TTN: variants seen among roughly 807,000 people sequenced by gnomAD.
The protein encoded by TTN is titin.
In TTN, 1,525 loss-of-function variants were observed where a neutral mutation model predicts 3,223.0. That is an observed-to-expected ratio of 0.47 (90% confidence interval 0.45 to 0.49). The LOEUF (loss-of-function observed/expected upper bound fraction) is 0.49, where lower values mean the gene tolerates loss of function less well. TTN is among the 20% of genes least tolerant of loss of function. The pLI is 0.00. For synonymous variants in TTN, 14,094 were observed against 15,161.0 expected, an observed-to-expected ratio of 0.93 and a Z score of 5.17; for missense variants, 40,786 against 43,424.0, an observed-to-expected ratio of 0.94 and a Z score of 5.40.
In TTN at chr2:178,534,509, C is replaced by T; in HGVS notation, c.102106G>A (p.Glu34036Lys). Residue 34036 changes from glutamate to lysine, a missense_variant, in exon 358 of 363, where the codon GAG (glutamate) becomes AAG (lysine). Transcript: ENST00000589042. ...NIMNAEYTFD[E>K]EAFKEISIEA... ...ATGCTAATCTCTTTGAATGCTTCCTCATCGAAAGTATATTCAGCATTCATG... is the reference window on the plus strand; with the variant it reads ...ATGCTAATCTCTTTGAATGCTTCCTTATCGAAAGTATATTCAGCATTCATG... The T allele has an allele frequency of 2.5e-6, 4 of 1,613,844 alleles. No homozygotes were observed. Among genetic ancestry groups the T allele is most frequent in the South Asian group, 1.1e-5 (1 of 91,074 alleles).
Position 178,548,975 on chromosome 2 carries a change from G to T in TTN, c.92651C>A (p.Thr30884Asn), listed in dbSNP as rs1698294296. The T allele has an allele frequency of 1.2e-6, 2 of 1,613,772 alleles. No homozygotes were observed. Among genetic ancestry groups the T allele is most frequent in the African/African-American group, 2.7e-5 (2 of 74,900 alleles). ...EACVKTRYTV[T>N]DLQAGEEYKF... ...GTATTCTTCACCTGCTTGTAGATCAGTGACTGTATATCTTGTTTTCACACA... is the reference window on the plus strand; with the variant it reads ...GTATTCTTCACCTGCTTGTAGATCATTGACTGTATATCTTGTTTTCACACA... Residue 30884 changes from threonine to asparagine, a missense_variant, in exon 339 of 363, where the codon ACT becomes AAT. Thr to Asn is a moderately conservative substitution (Grantham distance 65). Transcript: ENST00000589042. This position sits in a 1 kb window ranked among gnomAD's most constrained non-coding sequence, Gnocchi z 4.3.
chr2:178,714,957 T>C (rs765736200), intron 90 of TTN, 29 bp downstream of exon 90: 3 of 1,577,878 alleles, frequency 1.9e-6, no homozygotes. Context: ...AGGGAAGTAG[T>C]GAGCAGAAGT....
intron 140 of TTN, 80 bp from the exon 141 acceptor site, chr2:178,679,762 T>G (rs2068911833): frequency 1.3e-6 from 2 of 1,538,626 alleles, no homozygotes; most frequent in Admixed American, 4.3e-5. Context: ...AAATCATATT[T>G]CAGCATCTAA....
intron 71 of TTN, 59 bp from the exon 72 acceptor site, chr2:178,724,597 A>C: frequency 6.7e-7 from 1 of 1,482,492 alleles, no homozygotes; most frequent in African/African-American, 1.4e-5. Flanking sequence ...TGTCTCTACT[A>C]TCACATTCAC....
chr2:178,611,223 C>A lies in TTN; in HGVS notation c.50906G>T (p.Gly16969Val). The A allele has an allele frequency of 3.1e-6, 5 of 1,612,554 alleles. No individual in the cohort carries two copies. In the South Asian group the frequency reaches 4.4e-5, roughly 14 times the overall value. The stretch of plus-strand genomic sequence containing the variant: ...GGGAACAGGAATGCTTAACTTTTCA[C>A]CTTCAATAACAATAATGTCATGAGT... ...LETHDIIVIEGEKLSIPVPFR... is the reference protein window; with the variant it reads ...LETHDIIVIEVEKLSIPVPFR... Residue 16969 changes from glycine to valine, a missense_variant, in exon 270 of 363, where the codon GGT becomes GTT. Gly to Val is a moderately radical substitution (Grantham distance 109). Transcript: ENST00000589042.
chr2:178,611,718 A>G, intron 268 of TTN, 40 bp downstream of exon 268: 1 of 1,611,534 alleles, frequency 6.2e-7, no homozygotes. Context: ...AGTCTCATCA[A>G]GTTCTAGACA....
intron 49 of TTN, among the ~76,000 whole-genome samples, chr2:178,736,949 C>T (rs1424464677): frequency 6.6e-6 from 1 of 152,140 alleles, no homozygotes; most frequent in East Asian, 1.9e-4. Flanking sequence ...ATTTGCCCTT[C>T]CCCTTGATAT....
Position 178,733,445 on chromosome 2 carries a change from G to C in TTN, c.15848C>G (p.Thr5283Arg). 1 of 1,613,814 alleles carries C rather than the reference G, an allele frequency of 6.2e-7. No homozygotes were observed. The highest frequency in any genetic ancestry group is 8.5e-7 in the Non-Finnish European group (1 of 1,179,786). The change falls in exon 54 of 363, where the codon ACA becomes AGA. Residue 5283 changes from threonine to arginine, a missense_variant. By Grantham distance (71) the Thr-to-Arg change is moderately conservative. Transcript: ENST00000589042. ...TAGDPATLEY[T>R]VAGTPELKPK... ...CTTCAGTTCTGGCGTGCCTGCCACTGTGTACTCCAGTGTGGCGGGATCTCC... is the reference window on the plus strand; with the variant it reads ...CTTCAGTTCTGGCGTGCCTGCCACTCTGTACTCCAGTGTGGCGGGATCTCC...
Position 178,536,166 on chromosome 2 carries a change from G to A in TTN, c.100581C>T (p.Val33527=). The A allele has an allele frequency of 1.2e-6, 2 of 1,613,558 alleles. No individual in the cohort carries two copies. The highest frequency in any genetic ancestry group is 1.7e-6 in the Non-Finnish European group (2 of 1,179,686). ...CKVTGHPKPI[V]KWYRQGKEII... is the part of the protein sequence containing the mutation. ...TTTCTTTGCCTTGTCTGTACCATTT[G>A]ACGATAGGTTTTGGATGACCAGTCA... Residue 33527 remains valine (V), a synonymous_variant, in exon 357 of 363, where the codon GTC becomes GTT. Transcript: ENST00000589042.
Position 178,713,283 on chromosome 2 carries a change from C to T in TTN, c.26851G>A (p.Gly8951Arg). ...SSVVMECKVY[G>R]SPPISVSWFH... is the part of the protein sequence containing the mutation. ...CAGGAGACAGAGATTGGAGGTGACC[C>T]ATAGACTTTACACTCCATTACAACT... is the stretch of plus-strand genomic sequence containing the variant. Residue 8951 changes from glycine (G) to arginine (R), a missense_variant, in exon 93 of 363, where the codon GGG becomes AGG. Coordinates refer to ENST00000589042, the MANE Select transcript of TTN (RefSeq NM_001267550.2). 6.2e-7 allele frequency: 1 copy of T among 1,607,444 alleles called. No individual in the cohort carries two copies. The highest frequency in any genetic ancestry group is 8.5e-7 in the Non-Finnish European group (1 of 1,176,486).
intron 29 of TTN, 84 bp downstream of exon 29, chr2:178,774,837 G>A (rs1374831960): frequency 6.6e-7 from 1 of 1,519,418 alleles, no homozygotes; most frequent in Non-Finnish European, 9.0e-7. Context: ...TTTCATGAAA[G>A]AAAAATTGCA....
chr2:178,735,586 C>A lies in TTN; in HGVS notation c.14860G>T (p.Asp4954Tyr), dbSNP rs1443901302. 1 of 1,613,114 alleles carries A rather than the reference C, an allele frequency of 6.2e-7. No homozygotes were observed. The highest frequency in any genetic ancestry group is 8.5e-7 in the Non-Finnish European group (1 of 1,179,608). Residue 4954 changes from aspartate to tyrosine, a missense_variant, in exon 50 of 363, where the codon GAT becomes TAT. By Grantham distance (160) the Asp-to-Tyr change is radical (BLOSUM62 -3). Coordinates refer to ENST00000589042, the MANE Select transcript of TTN (RefSeq NM_001267550.2). ...GCTGTACAGACATAGGTTCCTGAAT[C>A]TTTCAGTTTGGCCAAAGGAATCTCA... ...TLEIPLAKLK[D>Y]SGTYVCTASN... is the part of the protein sequence containing the mutation.
chr2:178,683,434 T>C (rs1308009875), intron 133 of TTN, 143 bp from the exon 134 acceptor site: 2 of 567,850 alleles, frequency 3.5e-6, no homozygotes, highest in Admixed American at 6.3e-5. Flanking sequence ...AGAAAATCAA[T>C]AGACTTGGAA....
chr2:178,789,374 C>T lies in TTN; in HGVS notation c.2062G>A (p.Val688Ile). The change falls in exon 13 of 363, where the codon GTT becomes ATT. Residue 688 changes from valine (V) to isoleucine (I), a missense_variant. Val to Ile is a conservative substitution (Grantham distance 29). Coordinates refer to ENST00000589042, the MANE Select transcript of TTN (RefSeq NM_001267550.2). ...ACAATAGTCACCTTTCCATGGGTAA[C>T]TTGGATTTGTTCTTGTCTAGTAGCC... is the stretch of plus-strand genomic sequence containing the variant. ...TMATRQEQIQ[V>I]THGKVDVGKK... is the part of the protein sequence containing the mutation. 6.2e-7 allele frequency: 1 copy of T among 1,613,268 alleles called. No individual in the cohort carries two copies. The highest frequency in any genetic ancestry group is 1.1e-5 in the South Asian group (1 of 91,058).
rs1483357219 is a variant in TTN at position 178,698,867 on chromosome 2, G to C, written c.30730C>G (p.Pro10244Ala). The C allele has an allele frequency of 1.9e-6, 3 of 1,540,134 alleles. No individual in the cohort carries two copies. The highest frequency in any genetic ancestry group is 2.6e-6 in the Non-Finnish European group (3 of 1,144,540). The change falls in exon 112 of 363, where the codon CCC (proline) becomes GCC (alanine). Residue 10244 changes from proline (P) to alanine (A), a missense_variant. Physicochemically the swap from Pro to Ala is conservative, Grantham distance 27. Transcript: ENST00000589042. ...KKDAKKVVAKPKEMTPREEIV... is the reference protein window; with the variant it reads ...KKDAKKVVAKAKEMTPREEIV... ...CCTTCACGTGGTGTCATCTCTTTGG[G>C]CTTTGCAACAACTTTTTTGGCATCT... is the stretch of plus-strand genomic sequence containing the variant.
At chr2:178,615,104 ATAACTGAATACAT>A (rs1454234652) in intron 259 of TTN, 136 bp from the exon 260 acceptor site, 2 of 991,412 alleles carry the variant, frequency 2.0e-6, no homozygotes, top group Non-Finnish European at 2.9e-6. Flanking sequence ...CTTCAACACT[ATAACTGAATACAT>A]TTTCATTTCA....
chr2:178,715,394 C>T (rs1447307153), intron 89 of TTN, 99 bp downstream of exon 89: 5 of 1,519,362 alleles, frequency 3.3e-6, no homozygotes, highest in Non-Finnish European at 4.4e-6. Context: ...TGTGTCCTTT[C>T]CCTATTTTAA....
Position 178,561,011 on chromosome 2 carries a change from A to G in TTN, c.85121T>C (p.Val28374Ala), listed in dbSNP as rs777681919. ...RDVIVVKAGE[V>A]LKINADIAGR... ...TGCAATGTCTGCATTTATCTTAAGGACCTCTCCAGCTTTGACAACAATAAC... is the reference window on the plus strand; with the variant it reads ...TGCAATGTCTGCATTTATCTTAAGGGCCTCTCCAGCTTTGACAACAATAAC... The change falls in exon 326 of 363, where the codon GTC (valine) becomes GCC (alanine). Residue 28374 changes from valine (V) to alanine (A), a missense_variant. Transcript: ENST00000589042. 1 of 1,613,666 alleles carries G rather than the reference A, an allele frequency of 6.2e-7. No homozygotes were observed. Among genetic ancestry groups the G allele is most frequent in the South Asian group, 1.1e-5 (1 of 91,062 alleles).
chr2:178,799,376 G>A (rs2093935450), intron 6 of TTN, 111 bp downstream of exon 6: 1 of 1,546,340 alleles, frequency 6.5e-7, no homozygotes, highest in African/African-American at 1.4e-5. Flanking sequence ...CACTGAAGAA[G>A]CGAACCACTC....
Sources: gnomAD v4.1 joint callset for allele counts (sites outside exome capture counted in the v4.1 genomes callset) on GRCh38, gnomAD v4.1.1 for gene constraint, Gnocchi (gnomAD v3.1) non-coding constraint, MANE v1.5 for transcripts, NCBI Gene and HGNC (gene_info 2026-07-23, HGNC 2026-07-21) for gene names.